The following PFKFB2 variants were observed in gnomAD, a reference collection of about 807,000 sequenced individuals.
PFKFB2 encodes 6-phosphofructo-2-kinase/fructose-2,6-biphosphatase 2.
A neutral mutation model predicts 68.0 loss-of-function variants in PFKFB2; 53 were observed. The ratio of observed to expected loss-of-function variants is 0.78; its 90% CI spans 0.63 to 0.98. The LOEUF is 0.98. Ranked by LOEUF, PFKFB2 falls within the 50% of genes least tolerant of loss-of-function variation. PFKFB2 has a pLI of 0.00. For synonymous variants in PFKFB2, 222 were observed against 227.6 expected (o/e 0.98, Z 0.22); for missense variants, 451 against 642.0 (o/e 0.70, Z 3.22).
chr1:207,076,296 A>G lies in PFKFB2; in HGVS notation c.*3925A>G. 2.0e-6 allele frequency: 2 copies of G among 982,176 alleles called. No homozygotes were observed. Among genetic ancestry groups the G allele is most frequent in the Non-Finnish European group, 2.4e-6 (2 of 828,172 alleles). 60.8% of individuals were successfully genotyped at this position (982,176 alleles called of 1,614,324 possible). A position where few individuals can be genotyped will look rare whatever the true frequency, so the allele number is the denominator to read the frequency against. ...GAGCAGGAGATCTTAATTGACAGAA[A>G]CTCATTGGTGGTTGGAGTGGCCAAT... is the stretch of plus-strand genomic sequence containing the variant. On this transcript the variant is annotated 3_prime_UTR_variant, in exon 15 of 15. Coordinates refer to ENST00000367080, the MANE Select transcript of PFKFB2 (RefSeq NM_006212.2).
intron 2 of PFKFB2, chr1:207,044,742 G>C (rs1215154242): frequency 2.0e-5 from 3 of 152,450 alleles, no homozygotes; most frequent in Non-Finnish European, 2.9e-5. Context: ...GTTTGGAAAA[G>C]GGTAATTCAT....
chr1:207,068,110 G>GTGTGTGTGTC (rs751494160), intron 9 of PFKFB2, 53 bp from the exon 10 acceptor site: 55 of 1,448,514 alleles, frequency 3.8e-5, no homozygotes, highest in Non-Finnish European at 4.9e-5. Flanking sequence ...GTGTGTGTGT[G>GTGTGTGTGTC]TGTGTGTCTG....
chr1:207,066,931 C>T (rs1683306060), intron 8 of PFKFB2, among the ~76,000 whole-genome samples: 1 of 152,198 alleles, frequency 6.6e-6, no homozygotes, highest in Admixed American at 6.5e-5. Flanking sequence ...GGATTACAGG[C>T]ATGAGCTACC....
rs1485125464 is a variant in PFKFB2 at position 207,077,219 on chromosome 1, G to C, written c.*4848G>C. The C allele has an allele frequency of 2.0e-5, 20 of 985,248 alleles. No homozygotes were observed. Among genetic ancestry groups the C allele is most frequent in the Non-Finnish European group, 2.3e-5 (19 of 829,852 alleles). The allele number at this position is 985,248 out of a possible 1,614,324, so 61.0% of individuals were successfully genotyped here. On this transcript the variant is annotated 3_prime_UTR_variant, in exon 15 of 15. Transcript: ENST00000367080. ...AGCTTCTGTGTCCCCAGCTTACCCT[G>C]TTCTGAAATGTTGTATTCCATTGGA...
At chr1:207,066,253 A>G (rs1173105230) in intron 8 of PFKFB2, among the ~76,000 whole-genome samples, 1 of 152,228 alleles carries the variant, frequency 6.6e-6, no homozygotes, top group Non-Finnish European at 1.5e-5. Flanking sequence ...TTGAAGAAAG[A>G]TGGTGTACAC....
Position 207,076,508 on chromosome 1 carries a change from C to T in PFKFB2, c.*4137C>T, listed in dbSNP as rs1572740925. 1 of 985,242 alleles carries T rather than the reference C, an allele frequency of 1.0e-6. No homozygotes were observed. Among genetic ancestry groups the T allele is most frequent in the Non-Finnish European group, 1.2e-6 (1 of 829,804 alleles). The allele number at this position is 985,242 out of a possible 1,614,324, so 61.0% of individuals were successfully genotyped here. On this transcript the variant is annotated 3_prime_UTR_variant, in exon 15 of 15. Coordinates refer to ENST00000367080, the MANE Select transcript of PFKFB2 (RefSeq NM_006212.2). Reference sequence around the variant, plus strand: ...AATATGTAACAACTGAGTCGGGTTGCAGCACTGGTGGGGTAGAATCGACTT... The same window carrying T: ...AATATGTAACAACTGAGTCGGGTTGTAGCACTGGTGGGGTAGAATCGACTT...
intron 1 of PFKFB2, among the ~76,000 whole-genome samples, chr1:207,034,742 G>A (rs1359042985): frequency 3.9e-5 from 6 of 151,944 alleles, no homozygotes; most frequent in South Asian, 4.2e-4. Context: ...AAACATAACC[G>A]TACCTAACAT....
Position 207,073,325 on chromosome 1 carries a change from C to T in PFKFB2, c.*954C>T, listed in dbSNP as rs1415490728. On this transcript the variant is annotated 3_prime_UTR_variant, in exon 15 of 15. Transcript: ENST00000367080. ...AGCAGTCATGTCTTTTCTCCCATGA[C>T]TCTCAGGTTCTTTGCCAATCACAGC... is the stretch of plus-strand genomic sequence containing the variant. 1.0e-6 allele frequency: 1 copy of T among 985,348 alleles called. No individual in the cohort carries two copies. Among genetic ancestry groups the T allele is most frequent in the East Asian group, 1.1e-4 (1 of 8,834 alleles). The allele number at this position is 985,348 out of a possible 1,614,324, so 61.0% of individuals were successfully genotyped here. A position where few individuals can be genotyped will look rare whatever the true frequency, so the allele number is the denominator to read the frequency against.
At chr1:207,039,211 A>T (rs1682434945) in intron 1 of PFKFB2, among the ~76,000 whole-genome samples, 2 of 152,202 alleles carry the variant, frequency 1.3e-5, no homozygotes, top group South Asian at 4.1e-4. Flanking sequence ...AAATTGATCA[A>T]TGTACTCCAT....
At chr1:207,047,771 G>C (rs1682634433) in intron 2 of PFKFB2, 1 of 152,458 alleles carries the variant, frequency 6.6e-6, no homozygotes, top group Non-Finnish European at 1.5e-5. Flanking sequence ...CATAAGGCAA[G>C]GATTTACAAT....
rs571990326 is a variant in PFKFB2 at position 207,035,686 on chromosome 1, A to C, written c.-62+1214A>C. On this transcript the variant is annotated intron_variant, in intron 1 of 5. Transcript: ENST00000545806. ...ACAAACAAACAAACAAAAAAAACAAAAAAAGAAAAGAGGTTTGTTTTGCTC... is the reference window on the plus strand; with the variant it reads ...ACAAACAAACAAACAAAAAAAACAACAAAAGAAAAGAGGTTTGTTTTGCTC... 3.1e-3 allele frequency among the ~76,000 whole-genome samples: 459 copies of C among 147,674 alleles called. 1 individual carries two copies. The highest frequency in any genetic ancestry group is 0.011 in the African/African-American group (425 of 37,196).
At position 207,075,689 on chromosome 1, in the gene PFKFB2, T is replaced by C; in HGVS notation, c.*3318T>C. 1 of 969,800 alleles carries C rather than the reference T, an allele frequency of 1.0e-6. No homozygotes were observed. The highest frequency in any genetic ancestry group is 1.2e-6 in the Non-Finnish European group (1 of 815,600). The allele number at this position is 969,800 out of a possible 1,614,324, so 60.1% of individuals were successfully genotyped here. On this transcript the variant is annotated 3_prime_UTR_variant, in exon 15 of 15. Coordinates refer to ENST00000367080, the MANE Select transcript of PFKFB2 (RefSeq NM_006212.2). ...CTGTAGTCCCAGATACTTGGGAGGC[T>C]GAGGCAGGAGAATCACTTGAGACCA...
chr1:207,035,081 G>A (rs979344674), intron 1 of PFKFB2: 119 of 779,640 alleles, frequency 1.5e-4, no homozygotes, highest in Non-Finnish European at 1.8e-4. Context: ...ATTTGAGGGG[G>A]TATGTGTGTC....
At chr1:207,039,607 T>C (rs1448276359) in intron 1 of PFKFB2, among the ~76,000 whole-genome samples, 1 of 152,204 alleles carries the variant, frequency 6.6e-6, no homozygotes, top group Non-Finnish European at 1.5e-5. Context: ...TTACATCATT[T>C]GTTTCATACC....
At chr1:207,037,187 C>T (rs967333533) in intron 1 of PFKFB2, among the ~76,000 whole-genome samples, 2 of 152,180 alleles carry the variant, frequency 1.3e-5, no homozygotes, top group African/African-American at 2.4e-5. Flanking sequence ...TGTTTGAATT[C>T]TTCTCTATCT....
chr1:207,058,399 G>A (rs762826281), intron 2 of PFKFB2, among the ~76,000 whole-genome samples: 57 of 152,282 alleles, frequency 3.7e-4, no homozygotes, highest in Middle Eastern at 3.4e-3. Context: ...TGTGTTTACC[G>A]TGAGGGAACC....
At chr1:207,065,367 T>G in intron 8 of PFKFB2, 1 of 939,974 alleles carries the variant, frequency 1.1e-6, no homozygotes, top group Non-Finnish European at 1.3e-6. Context: ...TTGTTTTGTT[T>G]TGAGACAGGG....
intron 1 of PFKFB2, among the ~76,000 whole-genome samples, chr1:207,040,195 G>A (rs1682450442): frequency 6.6e-6 from 1 of 152,130 alleles, no homozygotes; most frequent in Non-Finnish European, 1.5e-5. Flanking sequence ...ACTTAACTTC[G>A]GTATTGATTT....
intron 1 of PFKFB2, among the ~76,000 whole-genome samples, chr1:207,041,146 C>T (rs1184684971): frequency 6.6e-6 from 1 of 151,712 alleles, no homozygotes; most frequent in South Asian, 2.1e-4. Context: ...CCAGGATGGT[C>T]TCGATCTCCT....
Sources: allele counts gnomAD v4.1 joint callset (sites outside exome capture counted in the v4.1 genomes callset), GRCh38; gene constraint gnomAD v4.1.1; transcripts MANE v1.5; gene names NCBI Gene and HGNC (gene_info 2026-07-23, HGNC 2026-07-21).